PPP1R1B: variants seen among roughly 807,000 people sequenced by gnomAD.
PPP1R1B encodes the protein protein phosphatase 1 regulatory subunit 1B.
Under a neutral mutation model 28.2 loss-of-function variants are expected in PPP1R1B, and 13 were observed. The observed-to-expected ratio is 0.46, with a 90% CI of 0.30 to 0.73. PPP1R1B has a LOEUF of 0.73. Among genes scored for constraint, PPP1R1B ranks in the 30% least tolerant of loss-of-function variants. The pLI is 0.07. For missense variants in PPP1R1B, 236 were observed against 256.7 expected (o/e 0.92, Z 0.55); for synonymous variants, 102 against 97.5 (o/e 1.05, Z -0.27).
intron 5 of PPP1R1B, 120 bp downstream of exon 5, chr17:39,634,206 C>T: frequency 7.7e-7 from 1 of 1,302,252 alleles, no homozygotes. Flanking sequence ...CAGGGGCCTC[C>T]CTGTCTTCTC....
chr17:39,629,313 A>C (rs2056858777), intron 2 of PPP1R1B, 83 bp downstream of exon 2: 1 of 1,459,290 alleles, frequency 6.9e-7, no homozygotes, highest in Non-Finnish European at 9.6e-7. Context: ...TCCCATGAAC[A>C]GGAGTCAAAG....
In PPP1R1B at chr17:39,627,267, C is replaced by T. The variant is rs2056844245; in HGVS notation, c.-126C>T. Reference sequence around the variant, plus strand: ...CCCTCGGCGGGCACGGTATTTTTATCCGTGCGCGAACAGCCCTCCTCCTCC... The same window carrying T: ...CCCTCGGCGGGCACGGTATTTTTATTCGTGCGCGAACAGCCCTCCTCCTCC... On this transcript the variant is annotated 5_prime_UTR_variant, in exon 1 of 7. Coordinates refer to ENST00000254079, the MANE Select transcript of PPP1R1B (RefSeq NM_032192.4). The T allele has an allele frequency of 3.2e-6, 2 of 631,190 alleles. 1 individual carries two copies. The highest frequency in any genetic ancestry group is 5.0e-6 in the Non-Finnish European group (2 of 396,190). 39.1% of individuals were successfully genotyped at this position (631,190 alleles called of 1,614,324 possible).
chr17:39,634,517 TTTAC>T (rs1567849768), intron 5 of PPP1R1B, among the ~76,000 whole-genome samples: 1 of 152,206 alleles, frequency 6.6e-6, no homozygotes, highest in Admixed American at 6.5e-5. Flanking sequence ...GGCTGCCTCA[TTTAC>T]TTGCCCTCTC....
At chr17:39,630,253 T>C (rs954703418) in intron 4 of PPP1R1B, 26 of 573,860 alleles carry the variant, frequency 4.5e-5, no homozygotes, top group African/African-American at 3.9e-4. Flanking sequence ...TGGGCAGCTA[T>C]GGGCCTTAAC....
chr17:39,634,799 A>G (rs1046989669), intron 5 of PPP1R1B, among the ~76,000 whole-genome samples: 2 of 152,236 alleles, frequency 1.3e-5, no homozygotes, highest in African/African-American at 4.8e-5. Flanking sequence ...GCTGGGCTTC[A>G]GTCCCTTTGT....
At chr17:39,631,598 G>A (rs1280476328) in intron 4 of PPP1R1B, among the ~76,000 whole-genome samples, 1 of 152,214 alleles carries the variant, frequency 6.6e-6, no homozygotes. Flanking sequence ...AGAGTATGCT[G>A]GGAAGTGGTT....
chr17:39,635,991 G>A lies in PPP1R1B; in HGVS notation c.*126G>A, dbSNP rs2056919902. Reference sequence around the variant, plus strand: ...CTAGGGCTGCGGCTTCTGACTTCTAGAAGACTAAGGCTGGTCTGTGTTTGC... The same window carrying A: ...CTAGGGCTGCGGCTTCTGACTTCTAAAAGACTAAGGCTGGTCTGTGTTTGC... On this transcript the variant is annotated 3_prime_UTR_variant, in exon 7 of 7. Transcript: ENST00000254079. 1 of 1,093,210 alleles carries A rather than the reference G, an allele frequency of 9.1e-7. No homozygotes were observed. Among genetic ancestry groups the A allele is most frequent in the Non-Finnish European group, 1.3e-6 (1 of 757,908 alleles). 67.7% of individuals were successfully genotyped at this position (1,093,210 alleles called of 1,614,324 possible). A position where few individuals can be genotyped will look rare whatever the true frequency, so the allele number is the denominator to read the frequency against.
intron 4 of PPP1R1B, among the ~76,000 whole-genome samples, chr17:39,631,201 C>T (rs184093051): frequency 4.6e-5 from 7 of 152,220 alleles, no homozygotes; most frequent in African/African-American, 1.7e-4. Flanking sequence ...CACCACTGTG[C>T]TCCAGTCTGG....
In PPP1R1B at chr17:39,629,260, G is replaced by A. The variant is rs764292498; in HGVS notation, c.142+30G>A. ...GCCCCTCCCTGCCCACTTAGCCCTG[G>A]CCCCACCCTAGCTCTGATGCCTTCC... On this transcript the variant is annotated intron_variant, in intron 2 of 6. Coordinates refer to ENST00000254079, the MANE Select transcript of PPP1R1B (RefSeq NM_032192.4). The A allele has an allele frequency of 4.4e-6, 7 of 1,606,576 alleles. No homozygotes were observed. The South Asian group carries it at 7.7e-5, about 18-fold the overall frequency.
intron 5 of PPP1R1B, among the ~76,000 whole-genome samples, chr17:39,634,686 C>T (rs3764352): frequency 0.6 from 91,724 of 152,166 alleles, 31,377 homozygotes; most frequent in Non-Finnish European, 0.77. Context: ...GAGTCAACCA[C>T]CCCTACTAGA....
rs142374385 is a variant in PPP1R1B at position 39,629,553 on chromosome 17, C to T, written c.156C>T (p.Ser52=). ...GGCCTTCCTCAGAGGAGGAAGCCTC[C>T]CCCCACCAGGTGAGTTTCCTGGGGC... The part of the protein sequence containing the change: ...SEHSSPEEEA[S]PHQRASGEGH... The change falls in exon 3 of 7, where the codon TCC becomes TCT. Residue 52 remains serine (S), a synonymous_variant. Coordinates refer to ENST00000254079, the MANE Select transcript of PPP1R1B (RefSeq NM_032192.4). The T allele has an allele frequency of 1.9e-6, 3 of 1,613,698 alleles. No individual in the cohort carries two copies. Among genetic ancestry groups the T allele is most frequent in the Admixed American group, 1.7e-5 (1 of 60,004 alleles).
chr17:39,630,222 A>G, intron 4 of PPP1R1B, 175 bp downstream of exon 4: 1 of 615,014 alleles, frequency 1.6e-6, no homozygotes, highest in Non-Finnish European at 2.9e-6. Flanking sequence ...CTTGCAAAAC[A>G]CAGGAGTCCC....
At chr17:39,633,285 T>C (rs2056891906) in intron 4 of PPP1R1B, 1 of 157,460 alleles carries the variant, frequency 6.4e-6, no homozygotes, top group Admixed American at 6.1e-5. Context: ...CAGACTATTA[T>C]GTCCTCAGCC....
intron 5 of PPP1R1B, 27 bp downstream of exon 5, chr17:39,634,113 G>T: frequency 6.2e-7 from 1 of 1,612,684 alleles, no homozygotes; most frequent in Non-Finnish European, 8.5e-7. Context: ...GTGACATGTG[G>T]ATTAGCTGTG....
chr17:39,636,232 T>C lies in PPP1R1B; in HGVS notation c.*367T>C, dbSNP rs762234482. 4 of 226,340 alleles carry C rather than the reference T, an allele frequency of 1.8e-5. No homozygotes were observed. The highest frequency in any genetic ancestry group is 3.6e-5 in the Non-Finnish European group (4 of 112,274). 14.0% of individuals were successfully genotyped at this position (226,340 alleles called of 1,614,324 possible). On this transcript the variant is annotated 3_prime_UTR_variant, in exon 7 of 7. Coordinates refer to ENST00000254079, the MANE Select transcript of PPP1R1B (RefSeq NM_032192.4). The stretch of plus-strand genomic sequence containing the variant: ...ACAGGAGACCCACAGGGCAGGACCC[T>C]AAGATCTGGGGAAAGGAGGTCCTGA...
chr17:39,634,629 C>T (rs966537846), intron 5 of PPP1R1B, among the ~76,000 whole-genome samples: 1 of 152,212 alleles, frequency 6.6e-6, no homozygotes, highest in Non-Finnish European at 1.5e-5. Context: ...CAAGAACCAG[C>T]CCGGCCCATT....
In PPP1R1B at chr17:39,627,097, G is replaced by C. The variant is rs1294960805; in HGVS notation, c.-296G>C. On this transcript the variant is annotated 5_prime_UTR_variant, in exon 1 of 7. Transcript: ENST00000254079. ...AGACACTCAGGAGGGGAGAGACACC[G>C]AGACGCAGAGACACCCAGGCCGGGG... 1 of 409,870 alleles carries C rather than the reference G, an allele frequency of 2.4e-6. No individual in the cohort carries two copies. Among genetic ancestry groups the C allele is most frequent in the Non-Finnish European group, 4.3e-6 (1 of 231,134 alleles). 25.4% of individuals were successfully genotyped at this position (409,870 alleles called of 1,614,324 possible).
chr17:39,632,702 G>C (rs988996308), intron 4 of PPP1R1B: 1 of 152,278 alleles, frequency 6.6e-6, no homozygotes, highest in African/African-American at 2.4e-5. Context: ...TGGATAGCTT[G>C]CCCAGAGCCA....
Position 39,627,479 on chromosome 17 carries a change from G to A in PPP1R1B, c.81+6G>A, listed in dbSNP as rs2056845968. 3 of 1,540,810 alleles carry A rather than the reference G, an allele frequency of 1.9e-6. No individual in the cohort carries two copies. Among genetic ancestry groups the A allele is most frequent in the Non-Finnish European group, 1.8e-6 (2 of 1,134,544 alleles). On this transcript the variant is annotated splice_donor_region_variant and intron_variant, in intron 1 of 6. Transcript: ENST00000254079. ...ACCCCCGCCAGGTGGAGATGGTAAG[G>A]GGCCCGTGCCCCACCCCGGCAGCGT...
Sources: gnomAD v4.1 joint callset for allele counts (sites outside exome capture counted in the v4.1 genomes callset) on GRCh38, gnomAD v4.1.1 for gene constraint, MANE v1.5 for transcripts, NCBI Gene and HGNC (gene_info 2026-07-23, HGNC 2026-07-21) for gene names.